Variants in ACSS3 observed in about 807,000 individuals in gnomAD.
ACSS3 encodes the protein acyl-CoA synthetase short chain family member 3.
In ACSS3, 64 loss-of-function variants were observed where a neutral mutation model predicts 84.2. The ratio of observed to expected loss-of-function variants is 0.76; its 90% CI spans 0.62 to 0.94. ACSS3 has a LOEUF of 0.94. Among genes scored for constraint, ACSS3 ranks in the 40% least tolerant of loss-of-function variants. The probability of loss-of-function intolerance (pLI) is 0.00; values close to 1 mark genes in which losing one functional copy is unlikely to be tolerated. For missense variants in ACSS3, 815 were observed against 867.6 expected (o/e 0.94, Z 0.76); for synonymous variants, 317 against 310.1 (o/e 1.02, Z -0.23).
At chr12:81,135,469 T>C (rs1013060192) in intron 3 of ACSS3, among the ~76,000 whole-genome samples, 2 of 146,058 alleles carry the variant, frequency 1.4e-5, no homozygotes, top group African/African-American at 2.5e-5. Context: ...ATAAAATATA[T>C]ACACACACAC....
intron 13 of ACSS3, among the ~76,000 whole-genome samples, chr12:81,244,320 A>G (rs1467062588): frequency 2.0e-5 from 3 of 151,796 alleles, no homozygotes; most frequent in Non-Finnish European, 4.4e-5. Context: ...TTGAAATTTG[A>G]GTATGATATG....
intron 7 of ACSS3, among the ~76,000 whole-genome samples, chr12:81,171,413 G>T (rs116914294): frequency 0.022 from 3,345 of 151,960 alleles, 80 homozygotes; most frequent in South Asian, 0.11. Context: ...TCTTAAGAAA[G>T]AAAAAACTAA....
chr12:81,157,544 C>A (rs1886936692), intron 7 of ACSS3, among the ~76,000 whole-genome samples: 1 of 152,312 alleles, frequency 6.6e-6, no homozygotes, highest in African/African-American at 2.4e-5. Flanking sequence ...CGCGGTGGCT[C>A]ACGCCTGTAA....
intron 1 of ACSS3, among the ~76,000 whole-genome samples, chr12:81,104,114 TAAG>T (rs1392187913): frequency 6.6e-6 from 1 of 152,086 alleles, no homozygotes; most frequent in African/African-American, 2.4e-5. Flanking sequence ...CAAACACACA[TAAG>T]AAGACTGAAA....
In ACSS3 at chr12:81,134,994, A is replaced by T; in HGVS notation, c.635A>T (p.Asp212Val). The change falls in exon 3 of 16, where the codon GAT (aspartate) becomes GTT (valine). Residue 212 changes from aspartate (D) to valine (V), a missense_variant. Asp to Val is a radical substitution (Grantham distance 152, BLOSUM62 -3). Coordinates refer to ENST00000548058, the MANE Select transcript of ACSS3 (RefSeq NM_024560.4). ...TCCAAAGAACTAAGTAGTCGCATTG[A>T]TCATGTAAAGGTAAGTGCTTTATTT... ...FASKELSSRI[D>V]HVKPKVVVTA... 6.3e-7 allele frequency: 1 copy of T among 1,598,750 alleles called. No individual in the cohort carries two copies. Among genetic ancestry groups the T allele is most frequent in the Non-Finnish European group, 8.5e-7 (1 of 1,171,452 alleles).
chr12:81,241,776 T>A (rs1350994798), intron 13 of ACSS3, among the ~76,000 whole-genome samples: 1 of 152,018 alleles, frequency 6.6e-6, no homozygotes, highest in Non-Finnish European at 1.5e-5. Flanking sequence ...TTTTCTCCCA[T>A]TTTGTGGGTT....
intron 15 of ACSS3, among the ~76,000 whole-genome samples, chr12:81,254,038 C>T (rs1288255617): frequency 6.6e-6 from 1 of 152,090 alleles, no homozygotes; most frequent in African/African-American, 2.4e-5. Flanking sequence ...GATCCTCTCA[C>T]ATCAGTCTCA....
At chr12:81,249,719 C>T (rs1348522047) in intron 13 of ACSS3, among the ~76,000 whole-genome samples, 1 of 152,048 alleles carries the variant, frequency 6.6e-6, no homozygotes, top group Admixed American at 6.6e-5. Flanking sequence ...TCTGGAATCT[C>T]TCTGACAAGT....
At chr12:81,141,936 T>C (rs1161398216) in intron 4 of ACSS3, among the ~76,000 whole-genome samples, 1 of 152,202 alleles carries the variant, frequency 6.6e-6, no homozygotes, top group Non-Finnish European at 1.5e-5. Flanking sequence ...GCTATAAATG[T>C]GTTAGCTATA....
At chr12:81,113,042 A>C (rs1201928279) in intron 2 of ACSS3, among the ~76,000 whole-genome samples, 2 of 152,174 alleles carry the variant, frequency 1.3e-5, no homozygotes, top group African/African-American at 4.8e-5. Flanking sequence ...TTCAAGATCC[A>C]TCATTCACTC....
chr12:81,113,367 GT>G (rs1883765440), intron 2 of ACSS3, among the ~76,000 whole-genome samples: 1 of 152,024 alleles, frequency 6.6e-6, no homozygotes, highest in East Asian at 1.9e-4. Flanking sequence ...TGAATGTTAC[GT>G]TCTCAGTGAG....
intron 11 of ACSS3, among the ~76,000 whole-genome samples, chr12:81,220,651 C>T (rs1479778133): frequency 6.6e-6 from 1 of 151,934 alleles, no homozygotes; most frequent in Admixed American, 6.6e-5. Flanking sequence ...TCCATGTGTA[C>T]CCATTATTTA....
At position 81,233,454 on chromosome 12, in the gene ACSS3, G is replaced by T; in HGVS notation, c.1702G>T (p.Ala568Ser). Residue 568 changes from alanine to serine, a missense_variant, in exon 13 of 16, where the codon GCA becomes TCA. By Grantham distance (99) the Ala-to-Ser change is moderately conservative (BLOSUM62 1). Coordinates refer to ENST00000548058, the MANE Select transcript of ACSS3 (RefSeq NM_024560.4). The stretch of plus-strand genomic sequence containing the variant: ...AAATGTTGCAGGTCACAGAATTTCT[G>T]CAGGCGCCATTGAAGAGGTATTGAT... ...VINVAGHRIS[A>S]GAIEESILSH... 6 of 1,610,856 alleles carry T rather than the reference G, an allele frequency of 3.7e-6. No homozygotes were observed. The highest frequency in any genetic ancestry group is 5.1e-6 in the Non-Finnish European group (6 of 1,177,870).
chr12:81,102,494 G>T (rs1202851659), intron 1 of ACSS3, among the ~76,000 whole-genome samples: 2 of 152,094 alleles, frequency 1.3e-5, no homozygotes, highest in Non-Finnish European at 2.9e-5. Context: ...AGTAACCAAA[G>T]AAACCAAAAT....
At chr12:81,144,649 A>C (rs1886240910) in intron 5 of ACSS3, among the ~76,000 whole-genome samples, 1 of 152,146 alleles carries the variant, frequency 6.6e-6, no homozygotes, top group Admixed American at 6.5e-5. Context: ...ATTTTTAAAA[A>C]ATTTAGTTTC....
chr12:81,153,214 C>A (rs574832332), intron 7 of ACSS3, among the ~76,000 whole-genome samples: 1 of 152,160 alleles, frequency 6.6e-6, no homozygotes, highest in East Asian at 1.9e-4. Flanking sequence ...TCGAGACCAG[C>A]CTGCCAAACA....
At chr12:81,125,797 C>CG (rs1435377641) in intron 2 of ACSS3, 2 of 152,150 alleles carry the variant, frequency 1.3e-5, no homozygotes, top group Non-Finnish European at 2.9e-5. Flanking sequence ...GTTCCACTAG[C>CG]GTCTCAAATT....
intron 5 of ACSS3, among the ~76,000 whole-genome samples, chr12:81,147,876 C>A (rs1886415985): frequency 6.6e-6 from 1 of 151,748 alleles, no homozygotes; most frequent in South Asian, 2.1e-4. Context: ...TACACACACA[C>A]ACACACACAC....
At chr12:81,120,292 C>A (rs894933839) in intron 2 of ACSS3, among the ~76,000 whole-genome samples, 5 of 152,100 alleles carry the variant, frequency 3.3e-5, no homozygotes, top group African/African-American at 1.2e-4. Context: ...AGGAGACAGG[C>A]AGTCTAAGTT....
Sources: allele counts gnomAD v4.1 joint callset (sites outside exome capture counted in the v4.1 genomes callset), GRCh38; gene constraint gnomAD v4.1.1; transcripts MANE v1.5; gene names NCBI Gene and HGNC (gene_info 2026-07-23, HGNC 2026-07-21).